The following EAF2 variants were observed in gnomAD, a reference collection of about 807,000 sequenced individuals.
EAF2 encodes ELL-associated factor 2.
In EAF2, 29 loss-of-function variants were observed where a neutral mutation model predicts 29.4. The observed-to-expected ratio is 0.99, with a 90% CI of 0.73 to 1.35. The LOEUF is 1.35. Among genes scored for constraint, EAF2 ranks in the 40% most tolerant of loss-of-function variants. EAF2 has a pLI of 0.00. For synonymous variants in EAF2, 103 were observed against 102.5 expected, an observed-to-expected ratio of 1.00 and a Z score of -0.03; for missense variants, 292 against 312.0, an observed-to-expected ratio of 0.94 and a Z score of 0.48.
rs71133578 is a variant in EAF2, at chr3:121,845,459, A to AAAAAAAAAAAAAAAAAAAAAAAG, written c.201+915_201+916insAAAAAAAAAAAAAAAAAAAGAAA. Among the ~76,000 whole-genome samples the AAAAAAAAAAAAAAAAAAAAAAAG allele has an allele frequency of 4.9e-4, 47 of 96,602 alleles. 1 individual carries two copies. Among genetic ancestry groups the AAAAAAAAAAAAAAAAAAAAAAAG allele is most frequent in the African/African-American group, 7.6e-4 (17 of 22,234 alleles). 63.4% of individuals were successfully genotyped at this position (96,602 alleles called of 152,430 possible). On this transcript the variant is annotated intron_variant, in intron 2 of 5. Coordinates refer to ENST00000273668, the MANE Select transcript of EAF2 (RefSeq NM_018456.6). ...ACATCTCAAAAAAAAAAAAAAAAAA[A>AAAAAAAAAAAAAAAAAAAAAAAG]AAAGAAAGAAAGAAAAAGAAAAAGA...
intron 2 of EAF2, among the ~76,000 whole-genome samples, chr3:121,847,092 T>C (rs960108763): frequency 9.2e-5 from 14 of 152,204 alleles, no homozygotes; most frequent in African/African-American, 2.7e-4. Context: ...TGTGTGTATA[T>C]GCATGGACAT....
At chr3:121,885,442 T>C (rs1709266291) in intron 5 of EAF2, among the ~76,000 whole-genome samples, 2 of 152,238 alleles carry the variant, frequency 1.3e-5, no homozygotes, top group South Asian at 4.1e-4. Context: ...TTTAAGTTAG[T>C]TGCCTGCTTA....
intron 5 of EAF2, chr3:121,873,098 A>G (rs1422519165): frequency 2.9e-6 from 2 of 678,730 alleles, no homozygotes; most frequent in Admixed American, 2.3e-5. Context: ...TTCATTCTAC[A>G]ATTTCTCCCT....
At chr3:121,838,978 T>C (rs1030312288) in intron 1 of EAF2, among the ~76,000 whole-genome samples, 1 of 152,232 alleles carries the variant, frequency 6.6e-6, no homozygotes, top group Non-Finnish European at 1.5e-5. Context: ...AGAGGAGTTC[T>C]CCATTAGTAA....
At chr3:121,866,322 A>G (rs1041292091) in intron 4 of EAF2, among the ~76,000 whole-genome samples, 22 of 152,200 alleles carry the variant, frequency 1.4e-4, no homozygotes, top group African/African-American at 4.8e-4. Flanking sequence ...AGTAGGCAAG[A>G]ATATGCATGC....
intron 4 of EAF2, among the ~76,000 whole-genome samples, chr3:121,860,740 T>C (rs1426254060): frequency 6.6e-6 from 1 of 152,110 alleles, no homozygotes; most frequent in Non-Finnish European, 1.5e-5. Flanking sequence ...TCTTGCTTCT[T>C]TAGTTCTTTG....
At chr3:121,846,609 A>AAAAAAC (rs1708534115) in intron 2 of EAF2, among the ~76,000 whole-genome samples, 1 of 152,184 alleles carries the variant, frequency 6.6e-6, no homozygotes, top group South Asian at 2.1e-4. Flanking sequence ...ACTCTGTCTC[A>AAAAAAC]AAAAACAAAC....
rs185688714 is a variant in EAF2 at position 121,854,602 on chromosome 3, G to C, written c.202-85G>C. 12 of 1,175,390 alleles carry C rather than the reference G, an allele frequency of 1.0e-5. No homozygotes were observed. In the African/African-American group the frequency reaches 1.5e-4, roughly 14 times the overall value. 72.8% of individuals were successfully genotyped at this position (1,175,390 alleles called of 1,614,324 possible). A position where few individuals can be genotyped will look rare whatever the true frequency, so the allele number is the denominator to read the frequency against. Reference sequence around the variant, plus strand: ...TGACTTGAAGTATAACATAGAAGGAGAAACCCAGAATCAAGATTTCAAAGG... The same window carrying C: ...TGACTTGAAGTATAACATAGAAGGACAAACCCAGAATCAAGATTTCAAAGG... On this transcript the variant is annotated intron_variant, in intron 2 of 5. Transcript: ENST00000273668.
At chr3:121,851,244 T>A (rs1306334940) in intron 2 of EAF2, among the ~76,000 whole-genome samples, 1 of 152,132 alleles carries the variant, frequency 6.6e-6, no homozygotes, top group Middle Eastern at 3.4e-3. Flanking sequence ...GTGGCACAAT[T>A]ATAGCCCACT....
chr3:121,849,274 AG>A (rs1474316090), intron 2 of EAF2, among the ~76,000 whole-genome samples: 1 of 152,198 alleles, frequency 6.6e-6, no homozygotes, highest in Non-Finnish European at 1.5e-5. Flanking sequence ...TTGATAGGGT[AG>A]ATTTTCTAAT....
intron 1 of EAF2, among the ~76,000 whole-genome samples, chr3:121,840,002 G>A (rs370998943): frequency 6.6e-6 from 1 of 151,366 alleles, no homozygotes; most frequent in East Asian, 2.0e-4. Flanking sequence ...AGACCAGCCT[G>A]TTCAAGATGG....
At chr3:121,876,124 A>C (rs1369558005) in intron 5 of EAF2, among the ~76,000 whole-genome samples, 1 of 151,944 alleles carries the variant, frequency 6.6e-6, no homozygotes, top group Non-Finnish European at 1.5e-5. Flanking sequence ...TGATAGTGAA[A>C]CTACACAACA....
intron 4 of EAF2, among the ~76,000 whole-genome samples, chr3:121,860,149 T>C (rs930975498): frequency 1.3e-5 from 2 of 152,220 alleles, no homozygotes; most frequent in African/African-American, 4.8e-5. Flanking sequence ...TTGTTGTCTC[T>C]GCCAGGCTTT....
chr3:121,836,428 G>T (rs997332658), intron 1 of EAF2, among the ~76,000 whole-genome samples: 4 of 152,100 alleles, frequency 2.6e-5, no homozygotes, highest in African/African-American at 9.7e-5. Context: ...TCTCCCAAAA[G>T]TTTATTTAAG....
intron 5 of EAF2, among the ~76,000 whole-genome samples, chr3:121,880,617 G>GT (rs1709178325): frequency 6.6e-6 from 1 of 152,020 alleles, no homozygotes. Context: ...TCAATCCTGA[G>GT]TTTTTTGTGG....
chr3:121,877,670 G>A (rs895653904), intron 5 of EAF2, among the ~76,000 whole-genome samples: 1 of 151,690 alleles, frequency 6.6e-6, no homozygotes, highest in African/African-American at 2.4e-5. Flanking sequence ...ATTGAATACT[G>A]TTATGAAGAT....
At chr3:121,879,897 TG>T (rs1424060083) in intron 5 of EAF2, among the ~76,000 whole-genome samples, 2 of 152,124 alleles carry the variant, frequency 1.3e-5, no homozygotes, top group African/African-American at 2.4e-5. Flanking sequence ...ATGAAGCTTA[TG>T]TTTTTTTTGT....
chr3:121,860,117 A>G (rs1257411534), intron 4 of EAF2, among the ~76,000 whole-genome samples: 7 of 152,216 alleles, frequency 4.6e-5, no homozygotes, highest in South Asian at 2.1e-4. Context: ...CACCAGGGAT[A>G]CTGGTCTAAA....
chr3:121,877,043 A>G lies in EAF2; in HGVS notation c.736+4255A>G, dbSNP rs565084535. On this transcript the variant is annotated intron_variant, in intron 5 of 5. Coordinates refer to ENST00000273668, the MANE Select transcript of EAF2 (RefSeq NM_018456.6). ...AAAAGATGCTAGCTAAGTAGTAATT[A>G]TAACAAAAATCTGGATCATCAATAT... 2.6e-5 allele frequency among the ~76,000 whole-genome samples: 4 copies of G among 152,180 alleles called. No homozygotes were observed. In the East Asian group the frequency reaches 7.7e-4, roughly 29 times the overall value.
Sources: gnomAD v4.1 joint callset for allele counts (sites outside exome capture counted in the v4.1 genomes callset) on GRCh38, gnomAD v4.1.1 for gene constraint, MANE v1.5 for transcripts, NCBI Gene and HGNC (gene_info 2026-07-23, HGNC 2026-07-21) for gene names.